Variants in PLCB4 observed in about 807,000 individuals in gnomAD.
The protein encoded by PLCB4 is phospholipase C beta 4, also known as 1-phosphatidylinositol 4,5-bisphosphate phosphodiesterase beta-4.
A neutral mutation model predicts 178.8 loss-of-function variants in PLCB4; 77 were observed. The ratio of observed to expected loss-of-function variants is 0.43; its 90% confidence interval spans 0.36 to 0.52. The LOEUF (loss-of-function observed/expected upper bound fraction) is 0.52. PLCB4 is among the 20% of genes least tolerant of loss of function. PLCB4 has a pLI of 0.00. For missense variants in PLCB4, 1,024 were observed against 1,453.4 expected (o/e 0.70, Z 4.80); for synonymous variants, 496 against 490.8 (o/e 1.01, Z -0.14).
intron 9 of PLCB4, among the ~76,000 whole-genome samples, chr20:9,367,346 C>T (rs1048623921): frequency 6.6e-6 from 1 of 152,086 alleles, no homozygotes; most frequent in African/African-American, 2.4e-5. Flanking sequence ...CCAAATCTAT[C>T]TGTAGGATTC....
At chr20:9,307,160 G>T (rs1350061155) in intron 3 of PLCB4, among the ~76,000 whole-genome samples, 1 of 152,124 alleles carries the variant, frequency 6.6e-6, no homozygotes, top group Non-Finnish European at 1.5e-5. Flanking sequence ...CACCTCAGTG[G>T]GCAGGCTGGT....
At chr20:9,244,769 C>T (rs1158981836) in intron 3 of PLCB4, among the ~76,000 whole-genome samples, 2 of 152,040 alleles carry the variant, frequency 1.3e-5, no homozygotes, top group African/African-American at 2.4e-5. Context: ...TAGTAGGCAC[C>T]CAATTTTGCA....
chr20:9,450,924 C>T (rs536785410), intron 32 of PLCB4, among the ~76,000 whole-genome samples: 6 of 152,120 alleles, frequency 3.9e-5, no homozygotes, highest in Non-Finnish European at 8.8e-5. Flanking sequence ...CCTGGGATTA[C>T]AGGCATGGGC....
intron 1 of PLCB4, among the ~76,000 whole-genome samples, chr20:9,076,477 T>A (rs1445163250): frequency 6.6e-6 from 1 of 151,882 alleles, no homozygotes; most frequent in Non-Finnish European, 1.5e-5. Context: ...AAAAAATAAA[T>A]AAATAAATAA....
intron 3 of PLCB4, among the ~76,000 whole-genome samples, chr20:9,303,156 G>A (rs775230629): frequency 2.6e-5 from 4 of 152,116 alleles, no homozygotes. Context: ...TTATAGCATA[G>A]AAGGCATGAA....
At chr20:9,174,927 T>G (rs1207151470) in intron 2 of PLCB4, among the ~76,000 whole-genome samples, 1 of 152,212 alleles carries the variant, frequency 6.6e-6, no homozygotes, top group East Asian at 1.9e-4. Context: ...CCGTCTTTGT[T>G]TCTAAGAATC....
chr20:9,336,340 C>T (rs1298486597), intron 4 of PLCB4, among the ~76,000 whole-genome samples: 2 of 152,136 alleles, frequency 1.3e-5, no homozygotes, highest in Non-Finnish European at 2.9e-5. Context: ...GACAAGAAGT[C>T]AGTTGGCAAG....
At chr20:9,395,410 G>A (rs1188273635) in intron 18 of PLCB4, 113 bp from the exon 19 acceptor site, 4 of 718,736 alleles carry the variant, frequency 5.6e-6, no homozygotes, top group Middle Eastern at 3.4e-4. Flanking sequence ...CTTGGTGCCT[G>A]AACATTCTAT....
chr20:9,259,314 A>G (rs1412743525), intron 3 of PLCB4, among the ~76,000 whole-genome samples: 1 of 152,226 alleles, frequency 6.6e-6, no homozygotes, highest in Non-Finnish European at 1.5e-5. Flanking sequence ...TAATTTTCAT[A>G]TTGTAAATGT....
chr20:9,477,932 A>G (rs1035682654), intron 39 of PLCB4, among the ~76,000 whole-genome samples: 1 of 152,190 alleles, frequency 6.6e-6, no homozygotes, highest in Admixed American at 6.5e-5. Flanking sequence ...AGACATAAAT[A>G]GTAACATCAG....
chr20:9,292,916 T>C (rs2094593205), intron 3 of PLCB4, among the ~76,000 whole-genome samples: 1 of 152,052 alleles, frequency 6.6e-6, no homozygotes, highest in African/African-American at 2.4e-5. Flanking sequence ...CTGTCTCTAC[T>C]AAAAACTCAA....
chr20:9,359,926 C>A (rs2050024), intron 7 of PLCB4, among the ~76,000 whole-genome samples: 42,185 of 151,910 alleles, frequency 0.28, 8,873 homozygotes, highest in African/African-American at 0.6. Context: ...GTTAAAAAAA[C>A]CCCAACAAGA....
chr20:9,291,047 C>T (rs2147763842), intron 3 of PLCB4, among the ~76,000 whole-genome samples: 1 of 152,248 alleles, frequency 6.6e-6, no homozygotes, highest in South Asian at 2.1e-4. Context: ...CTTCTCTTTC[C>T]ATTCCAGCAT....
At position 9,307,871 on chromosome 20, in the gene PLCB4, A is replaced by G. The variant is rs1405057077; in HGVS notation, c.57A>G (p.Glu19=). 2.5e-6 allele frequency: 4 copies of G among 1,584,646 alleles called. No individual in the cohort carries two copies. The highest frequency in any genetic ancestry group is 3.5e-6 in the Non-Finnish European group (4 of 1,154,350). Residue 19 remains glutamate (E), a synonymous_variant, in exon 4 of 40, where the codon GAA becomes GAG. Coordinates refer to ENST00000378473, the MANE Select transcript of PLCB4 (RefSeq NM_001377142.1). ...AGGAAGTTCCCTCCTTTTTGCAAGAAGGAGCAGTTTTTGACAGATACGAGG... is the reference window on the plus strand; with the variant it reads ...AGGAAGTTCCCTCCTTTTTGCAAGAGGGAGCAGTTTTTGACAGATACGAGG... ...WQKEVPSFLQ[E]GAVFDRYEEE...
chr20:9,355,913 A>G (rs1304896657), intron 7 of PLCB4, among the ~76,000 whole-genome samples: 2 of 152,222 alleles, frequency 1.3e-5, no homozygotes, highest in Non-Finnish European at 2.9e-5. Flanking sequence ...AGTCCCACCA[A>G]CAGTGCAAAA....
At chr20:9,397,877 T>C (rs147327010) in intron 19 of PLCB4, among the ~76,000 whole-genome samples, 2 of 152,308 alleles carry the variant, frequency 1.3e-5, no homozygotes, top group East Asian at 3.9e-4. Flanking sequence ...CTGTGGGTCA[T>C]GTGGGCTTAG....
chr20:9,386,434 T>A (rs1242620101), intron 14 of PLCB4, among the ~76,000 whole-genome samples: 2 of 152,154 alleles, frequency 1.3e-5, no homozygotes, highest in African/African-American at 4.8e-5. Context: ...ATAAGAAATG[T>A]AGTTACATTA....
chr20:9,184,599 C>CA (rs56964078), intron 2 of PLCB4, among the ~76,000 whole-genome samples: 4,201 of 117,848 alleles, frequency 0.036, 82 homozygotes, highest in Non-Finnish European at 0.051. Context: ...CATTGTGCCT[C>CA]AAAAAAAAAA....
chr20:9,310,361 G>A (rs73093891), intron 4 of PLCB4, among the ~76,000 whole-genome samples: 8,689 of 152,148 alleles, frequency 0.057, 324 homozygotes, highest in Admixed American at 0.1. Context: ...GATAACTAAC[G>A]TTATCATCAT....
Sources: gnomAD v4.1 joint callset for allele counts (sites outside exome capture counted in the v4.1 genomes callset) on GRCh38, gnomAD v4.1.1 for gene constraint, MANE v1.5 for transcripts, NCBI Gene and HGNC (gene_info 2026-07-23, HGNC 2026-07-21) for gene names.